PACS2: variants seen among roughly 807,000 people sequenced by gnomAD.
PACS2 encodes the protein PACS1-like protein.
In PACS2, 36 loss-of-function variants were observed where a neutral mutation model predicts 113.0. The ratio of observed to expected loss-of-function variants is 0.32; its 90% CI spans 0.24 to 0.42. The LOEUF (loss-of-function observed/expected upper bound fraction) is 0.42, where lower values mean the gene tolerates loss of function less well. Among genes scored for constraint, PACS2 ranks in the 10% least tolerant of loss-of-function variants. PACS2 has a pLI of 1.00. For synonymous variants in PACS2, 589 were observed against 536.1 expected (o/e 1.10, Z -1.36); for missense variants, 1,015 against 1,239.5 (o/e 0.82, Z 2.72).
intron 1 of PACS2, among the ~76,000 whole-genome samples, chr14:105,331,441 G>A (rs2059299042): frequency 6.6e-6 from 1 of 152,090 alleles, no homozygotes; most frequent in Admixed American, 6.5e-5. Context: ...TTTTGAGACA[G>A]GTTCTCACTC....
At chr14:105,392,981 G>A in intron 23 of PACS2, 136 bp downstream of exon 23, 1 of 724,084 alleles carries the variant, frequency 1.4e-6, no homozygotes, top group Non-Finnish European at 2.3e-6. Flanking sequence ...GGCGGGTGGG[G>A]TGAGGGAGCC....
At chr14:105,319,725 G>A (rs893360498) in intron 1 of PACS2, among the ~76,000 whole-genome samples, 3 of 152,130 alleles carry the variant, frequency 2.0e-5, no homozygotes, top group African/African-American at 4.8e-5. Flanking sequence ...GGTTGGTTGC[G>A]TGGATTACCC....
At position 105,354,903 on chromosome 14, in the gene PACS2, C is replaced by G; in HGVS notation, c.298-149C>G. 1 of 686,724 alleles carries G rather than the reference C, an allele frequency of 1.5e-6. No homozygotes were observed. Among genetic ancestry groups the G allele is most frequent in the South Asian group, 1.9e-5 (1 of 53,640 alleles). 42.5% of individuals were successfully genotyped at this position (686,724 alleles called of 1,614,324 possible). ...GGGACCGGCATGCCACTGGGATGAA[C>G]TTGGGGGCCCGTCTGTGGGTGCCCT... is the stretch of plus-strand genomic sequence containing the variant. On this transcript the variant is annotated intron_variant, in intron 3 of 24. Coordinates refer to ENST00000447393, the MANE Select transcript of PACS2 (RefSeq NM_001100913.3). The surrounding 1 kb of genome is among the most constrained non-coding windows in gnomAD (Gnocchi z 4.2).
At chr14:105,327,771 A>T (rs1318057943) in intron 1 of PACS2, among the ~76,000 whole-genome samples, 6 of 152,206 alleles carry the variant, frequency 3.9e-5, no homozygotes, top group Non-Finnish European at 8.8e-5. Context: ...GCCAGGGAGC[A>T]GGACCATTGA....
chr14:105,347,665 C>T (rs782248605), intron 1 of PACS2, among the ~76,000 whole-genome samples: 2 of 152,180 alleles, frequency 1.3e-5, no homozygotes, highest in Non-Finnish European at 2.9e-5. Flanking sequence ...CACCCTTCTG[C>T]TGTCCTGAGC....
chr14:105,352,358 C>T lies in PACS2; in HGVS notation c.208-20C>T. ...TGATATGCAGTCCTTTGAGCTAGAA[C>T]AGGTCTTGCTTAATCACAGGGCTCC... On this transcript the variant is annotated intron_variant, in intron 2 of 24. Transcript: ENST00000447393. 1 of 1,537,008 alleles carries T rather than the reference C, an allele frequency of 6.5e-7. No individual in the cohort carries two copies. Among genetic ancestry groups the T allele is most frequent in the Non-Finnish European group, 9.0e-7 (1 of 1,110,010 alleles).
Position 105,357,822 on chromosome 14 carries a change from G to A in PACS2, c.423+2645G>A, listed in dbSNP as rs782369227. Reference sequence around the variant, plus strand: ...CATGGGTGCTGCCATAGGGACTGTCGTGAGAGTGGGGTGTCGGTGAGGCTG... The same window carrying A: ...CATGGGTGCTGCCATAGGGACTGTCATGAGAGTGGGGTGTCGGTGAGGCTG... On this transcript the variant is annotated intron_variant, in intron 4 of 24. Transcript: ENST00000447393. The surrounding 1 kb of genome is among the most constrained non-coding windows in gnomAD (Gnocchi z 5.1). Among the ~76,000 whole-genome samples the A allele has an allele frequency of 1.4e-4, 22 of 152,306 alleles. No individual in the cohort carries two copies. The highest frequency in any genetic ancestry group is 4.8e-4 in the African/African-American group (20 of 41,572).
chr14:105,319,239 C>A (rs2058792324), intron 1 of PACS2, among the ~76,000 whole-genome samples: 1 of 152,254 alleles, frequency 6.6e-6, no homozygotes, highest in South Asian at 2.1e-4. Flanking sequence ...AGCCACCACG[C>A]CCAGCCAGAA....
At chr14:105,325,176 G>C (rs190774443) in intron 1 of PACS2, among the ~76,000 whole-genome samples, 1 of 151,640 alleles carries the variant, frequency 6.6e-6, no homozygotes, top group African/African-American at 2.4e-5. Flanking sequence ...GGACGGGGGG[G>C]GGCTCGGACA....
upstream of PACS2, among the ~76,000 whole-genome samples, chr14:105,313,549 C>T (rs1370238207): frequency 2.6e-5 from 4 of 152,354 alleles, no homozygotes; most frequent in East Asian, 5.8e-4. Flanking sequence ...ACAGGAGTTA[C>T]AGCTGGAGGC....
Position 105,323,656 on chromosome 14 carries a change from G to A in PACS2, c.119+8619G>A, listed in dbSNP as rs375980247. On this transcript the variant is annotated intron_variant, in intron 1 of 24. Transcript: ENST00000447393. The surrounding 1 kb of genome is among the most constrained non-coding windows in gnomAD (Gnocchi z 4.1). ...GCTGGAGTGGTGGACCACACTGGAG[G>A]TGGAGATTGCCTCAGGGTGTGCAGG... Among the ~76,000 whole-genome samples, 53 of 152,368 alleles carry A rather than the reference G, an allele frequency of 3.5e-4. 1 individual carries two copies. The South Asian group carries it at 0.01, about 29-fold the overall frequency.
chr14:105,302,080 A>G (rs1286223011), intron 1 of PACS2, among the ~76,000 whole-genome samples: 3 of 151,834 alleles, frequency 2.0e-5, no homozygotes, highest in Non-Finnish European at 4.4e-5. Context: ...TGGAGGTTGC[A>G]GTGAGCTGAG....
At chr14:105,352,959 A>T (rs1172164038) in intron 3 of PACS2, among the ~76,000 whole-genome samples, 18 of 72,594 alleles carry the variant, frequency 2.5e-4, no homozygotes, top group Admixed American at 8.8e-4. Flanking sequence ...TCCCCTGGGG[A>T]GACGGGCACC....
At chr14:105,379,892 C>T in intron 10 of PACS2, 63 bp downstream of exon 10, 1 of 1,507,724 alleles carries the variant, frequency 6.6e-7, no homozygotes, top group Admixed American at 1.7e-5. Flanking sequence ...TGGTGTGGCC[C>T]AAATCTCCCA....
chr14:105,383,788 C>G, intron 16 of PACS2: 1 of 443,286 alleles, frequency 2.3e-6, no homozygotes, highest in Non-Finnish European at 4.0e-6. Context: ...ATAAAGCCAT[C>G]GCCCTCTGAA....
At chr14:105,338,686 T>C (rs1555401048) in intron 1 of PACS2, among the ~76,000 whole-genome samples, 1 of 152,208 alleles carries the variant, frequency 6.6e-6, no homozygotes, top group Non-Finnish European at 1.5e-5. Context: ...CATGTGCCTG[T>C]GACCTGCGTG....
In PACS2 at chr14:105,369,899, A is replaced by C. The variant is rs2061086728; in HGVS notation, c.800A>C (p.Glu267Ala). The change falls in exon 8 of 25, where the codon GAG becomes GCG. Residue 267 changes from glutamate to alanine, a missense_variant and splice_region_variant. Physicochemically the swap from Glu to Ala is moderately radical, Grantham distance 107 (BLOSUM62 -1). Around this residue, in one of 3 missense-constraint regions of PACS2, gnomAD observed 859 missense variants for 1,056.8 expected, o/e 0.81. Coordinates refer to ENST00000447393, the MANE Select transcript of PACS2 (RefSeq NM_001100913.3). ...CTGCGGAGGTTCAAAGTGTCCGACGAGGTGAGTGCGCCGCGCCTTCTGCTC... is the reference window on the plus strand; with the variant it reads ...CTGCGGAGGTTCAAAGTGTCCGACGCGGTGAGTGCGCCGCGCCTTCTGCTC... The part of the protein sequence containing the change: ...ALLRRFKVSD[E>A]VLDSEQDPAE... 1 of 1,601,416 alleles carries C rather than the reference A, an allele frequency of 6.2e-7. No individual in the cohort carries two copies. Among genetic ancestry groups the C allele is most frequent in the Non-Finnish European group, 8.5e-7 (1 of 1,177,698 alleles).
intron 1 of PACS2, among the ~76,000 whole-genome samples, chr14:105,325,174 G>A (rs965382412): frequency 4.6e-5 from 7 of 151,650 alleles, no homozygotes; most frequent in East Asian, 2.0e-4. Context: ...TGGGACGGGG[G>A]GGGGCTCGGA....
chr14:105,348,240 C>T lies in PACS2; in HGVS notation c.120-253C>T, dbSNP rs1306274280. 6.6e-6 allele frequency among the ~76,000 whole-genome samples: 1 copy of T among 152,174 alleles called. No homozygotes were observed. The highest frequency in any genetic ancestry group is 1.5e-5 in the Non-Finnish European group (1 of 68,014). ...GAGTGAGTTCCATGGGAGGGAGGCTCACCCTCAGGGGCCTTCAGGAGATGG... is the reference window on the plus strand; with the variant it reads ...GAGTGAGTTCCATGGGAGGGAGGCTTACCCTCAGGGGCCTTCAGGAGATGG... On this transcript the variant is annotated intron_variant, in intron 1 of 24. Coordinates refer to ENST00000447393, the MANE Select transcript of PACS2 (RefSeq NM_001100913.3). This position sits in a 1 kb window ranked among gnomAD's most constrained non-coding sequence, Gnocchi z 6.4.
Sources: gnomAD v4.1 joint callset for allele counts (sites outside exome capture counted in the v4.1 genomes callset) on GRCh38, gnomAD v4.1.1 for gene constraint, gnomAD v4.1.1 regional missense constraint, Gnocchi (gnomAD v3.1) non-coding constraint, MANE v1.5 for transcripts, NCBI Gene and HGNC (gene_info 2026-07-23, HGNC 2026-07-21) for gene names.